The following KIF20B variants were observed in gnomAD, a reference collection of about 807,000 sequenced individuals.
KIF20B encodes the protein kinesin family member 20B.
A neutral mutation model predicts 232.5 loss-of-function variants in KIF20B; 188 were observed. The observed-to-expected ratio is 0.81, with a 90% CI of 0.72 to 0.91. KIF20B has a LOEUF of 0.91. KIF20B is among the 40% of genes least tolerant of loss of function. KIF20B has a pLI of 0.00. For missense variants in KIF20B, 2,154 were observed against 2,055.9 expected (o/e 1.05, Z -0.92); for synonymous variants, 712 against 683.0 (o/e 1.04, Z -0.66).
intron 29 of KIF20B, among the ~76,000 whole-genome samples, chr10:89,764,671 T>C (rs1371634443): frequency 6.6e-6 from 1 of 151,822 alleles, no homozygotes; most frequent in Admixed American, 6.6e-5. Context: ...TTTTCATGTG[T>C]TTTTTGGCTG....
chr10:89,715,171 C>G lies in KIF20B; in HGVS notation c.929C>G (p.Ser310Cys). 5 of 1,585,906 alleles carry G rather than the reference C, an allele frequency of 3.2e-6. No homozygotes were observed. The highest frequency in any genetic ancestry group is 4.3e-6 in the Non-Finnish European group (5 of 1,163,726). The change falls in exon 8 of 33, where the codon TCT (serine) becomes TGT (cysteine). Residue 310 changes from serine to cysteine, a missense_variant. Coordinates refer to ENST00000371728, the MANE Select transcript of KIF20B (RefSeq NM_001284259.2). ...CTTTCCCAAGACGTAAAGGGCTATT[C>G]TTTTATAAAAGGTATACTAATGAAT... ...LRLSQDVKGYSFIKDLQWIQV... is the reference protein window; with the variant it reads ...LRLSQDVKGYCFIKDLQWIQV...
chr10:89,766,877 A>G (rs1842372472), intron 29 of KIF20B, among the ~76,000 whole-genome samples: 1 of 151,978 alleles, frequency 6.6e-6, no homozygotes, highest in Admixed American at 6.6e-5. Context: ...TTAAAATAAC[A>G]TTAAAACACT....
chr10:89,730,807 G>A lies in KIF20B; in HGVS notation c.2391+1560G>A, dbSNP rs1564664491. On this transcript the variant is annotated intron_variant, in intron 18 of 32. Coordinates refer to ENST00000371728, the MANE Select transcript of KIF20B (RefSeq NM_001284259.2). ...TAAAGAGTTTGGGGAGTCAGTGGGG[G>A]AGTCATTTTCACCAGAGGAATAGCA... Among the ~76,000 whole-genome samples, 3 of 152,156 alleles carry A rather than the reference G, an allele frequency of 2.0e-5. No individual in the cohort carries two copies. The South Asian group carries it at 6.2e-4, about 32-fold the overall frequency.
chr10:89,768,391 GGT>G lies in KIF20B; in HGVS notation c.5091+5_5091+6del. Reference sequence around the variant, plus strand: ...ATTCTTCTGTCAAAAAGGAACAAAAGGTGTGTCTTTTAATTTGTCCAAAATTG... The same window carrying G: ...ATTCTTCTGTCAAAAAGGAACAAAAGGTGTCTTTTAATTTGTCCAAAATTG... On this transcript the variant is annotated splice_donor_variant, in intron 30 of 32. Transcript: ENST00000371728. LOFTEE classifies it high-confidence loss of function. 6.6e-7 allele frequency: 1 copy of G among 1,526,006 alleles called. No homozygotes were observed. Among genetic ancestry groups the G allele is most frequent in the African/African-American group, 1.4e-5 (1 of 71,194 alleles). 94.5% of individuals were successfully genotyped at this position (1,526,006 alleles called of 1,614,324 possible).
rs1408268035 is a variant in KIF20B, at chr10:89,733,074, A to C, written c.2545+18A>C. On this transcript the variant is annotated intron_variant, in intron 19 of 32. Coordinates refer to ENST00000371728, the MANE Select transcript of KIF20B (RefSeq NM_001284259.2). ...AAAGAAAGGTACTACTTCAGCTGCCAGCAGCAGGCGTTTAAGAAAGCTAAT... is the reference window on the plus strand; with the variant it reads ...AAAGAAAGGTACTACTTCAGCTGCCCGCAGCAGGCGTTTAAGAAAGCTAAT... 6.2e-7 allele frequency: 1 copy of C among 1,612,730 alleles called. No homozygotes were observed. Among genetic ancestry groups the C allele is most frequent in the Admixed American group, 1.7e-5 (1 of 59,984 alleles).
At position 89,737,817 on chromosome 10, in the gene KIF20B, A is replaced by G. The variant is rs1205999025; in HGVS notation, c.2976A>G (p.Leu992=). 5 of 1,613,346 alleles carry G rather than the reference A, an allele frequency of 3.1e-6. No homozygotes were observed. The highest frequency in any genetic ancestry group is 4.5e-5 in the East Asian group (2 of 44,814). Residue 992 remains leucine, a synonymous_variant, in exon 20 of 33, where the codon CTA becomes CTG. Coordinates refer to ENST00000371728, the MANE Select transcript of KIF20B (RefSeq NM_001284259.2). ...IKLMHTKIDE[L]RTLDSVSQIS... ...TAATGCACACGAAAATAGACGAACT[A>G]CGTACTCTTGATTCAGTTTCTCAGA...
chr10:89,742,663 C>G (rs1841825775), intron 21 of KIF20B, among the ~76,000 whole-genome samples: 1 of 150,962 alleles, frequency 6.6e-6, no homozygotes, highest in South Asian at 2.1e-4. Context: ...TGAAACCATA[C>G]CACTCTGAGC....
At chr10:89,721,826 A>G (rs1843064022) in intron 13 of KIF20B, among the ~76,000 whole-genome samples, 1 of 152,184 alleles carries the variant, frequency 6.6e-6, no homozygotes, top group Non-Finnish European at 1.5e-5. Flanking sequence ...TGCTTATCAT[A>G]TAAGATTGAC....
Position 89,714,986 on chromosome 10 carries a change from G to C in KIF20B, c.744G>C (p.Glu248Asp). 6.3e-7 allele frequency: 1 copy of C among 1,586,532 alleles called. No individual in the cohort carries two copies. Among genetic ancestry groups the C allele is most frequent in the African/African-American group, 1.4e-5 (1 of 73,448 alleles). The stretch of plus-strand genomic sequence containing the variant: ...TAACTAACTCTTTGAATATCTCAGA[G>C]TTTGAAGAATCCATAAAAGATTATG... ...GSLTNSLNISEFEESIKDYEQ... is the reference protein window; with the variant it reads ...GSLTNSLNISDFEESIKDYEQ... The change falls in exon 8 of 33, where the codon GAG (glutamate) becomes GAC (aspartate). Residue 248 changes from glutamate (E) to aspartate (D), a missense_variant. Physicochemically the swap from Glu to Asp is conservative, Grantham distance 45. Transcript: ENST00000371728.
Position 89,709,464 on chromosome 10 carries a change from A to G in KIF20B, c.351+3A>G. On this transcript the variant is annotated splice_donor_region_variant and intron_variant, in intron 4 of 32. Coordinates refer to ENST00000371728, the MANE Select transcript of KIF20B (RefSeq NM_001284259.2). Reference sequence around the variant, plus strand: ...CACAGAAATTCAGTTTTTCCAAGGTAAAACTGAAGTGTTTTTGTTTTTTGT... The same window carrying G: ...CACAGAAATTCAGTTTTTCCAAGGTGAAACTGAAGTGTTTTTGTTTTTTGT... 3 of 1,585,954 alleles carry G rather than the reference A, an allele frequency of 1.9e-6. No individual in the cohort carries two copies. The highest frequency in any genetic ancestry group is 1.1e-5 in the South Asian group (1 of 90,206).
chr10:89,737,949 T>C lies in KIF20B; in HGVS notation c.3108T>C (p.Ser1036=). The change falls in exon 20 of 33, where the codon AGT becomes AGC. Residue 1036 remains serine (S), a synonymous_variant. Transcript: ENST00000371728. ...LDLLGNDYLV[S]KQVKEYRIQE... is the part of the protein sequence containing the mutation. Reference sequence around the variant, plus strand: ...TTTTAGGTAATGATTATTTGGTAAGTAAGCAAGTTAAAGAATATCGAATTC... The same window carrying C: ...TTTTAGGTAATGATTATTTGGTAAGCAAGCAAGTTAAAGAATATCGAATTC... 6.2e-7 allele frequency: 1 copy of C among 1,613,254 alleles called. No individual in the cohort carries two copies.
intron 26 of KIF20B, 122 bp from the exon 27 acceptor site, chr10:89,758,579 CTACTT>C: frequency 1.9e-6 from 1 of 532,358 alleles, no homozygotes; most frequent in South Asian, 4.7e-5. Context: ...TTTATCTAGA[CTACTT>C]AATTTGTCTT....
rs755091040 is a variant in KIF20B at position 89,768,310 on chromosome 10, T to C, written c.5010T>C (p.Asn1670=). The change falls in exon 30 of 33, where the codon AAT becomes AAC. Residue 1670 remains asparagine, a synonymous_variant. Transcript: ENST00000371728. ...EMEEDLVKCE[N]KKNATPRTNL... Reference sequence around the variant, plus strand: ...TTTAGGACTTGGTGAAATGTGAAAATAAGAAGAATGCTACACCCAGAACTA... The same window carrying C: ...TTTAGGACTTGGTGAAATGTGAAAACAAGAAGAATGCTACACCCAGAACTA... The C allele has an allele frequency of 2.9e-5, 46 of 1,571,914 alleles. No homozygotes were observed. The South Asian group carries it at 4.8e-4, about 16-fold the overall frequency.
chr10:89,725,053 A>G lies in KIF20B; in HGVS notation c.1896A>G (p.Glu632=), dbSNP rs1425569932. The G allele has an allele frequency of 1.9e-6, 3 of 1,613,842 alleles. No individual in the cohort carries two copies. Among genetic ancestry groups the G allele is most frequent in the East Asian group, 2.2e-5 (1 of 44,862 alleles). Residue 632 remains glutamate (E), a synonymous_variant, in exon 15 of 33, where the codon GAA becomes GAG. Transcript: ENST00000371728. ...ETLLQEREIL[E]ENAERRLAIF... ...TGCTTCAAGAACGAGAGATATTAGAAGAAAATGCTGAACGTCGTTTGGCTA... is the reference window on the plus strand; with the variant it reads ...TGCTTCAAGAACGAGAGATATTAGAGGAAAATGCTGAACGTCGTTTGGCTA...
chr10:89,702,571 T>C (rs1181201895), intron 1 of KIF20B, among the ~76,000 whole-genome samples: 2 of 152,236 alleles, frequency 1.3e-5, no homozygotes, highest in East Asian at 3.8e-4. Context: ...CTTTGTGTTG[T>C]AGACCACATT....
intron 1 of KIF20B, among the ~76,000 whole-genome samples, chr10:89,703,442 G>C (rs1842653940): frequency 6.6e-6 from 1 of 152,160 alleles, no homozygotes; most frequent in Admixed American, 6.5e-5. Context: ...ACCAGGGTGA[G>C]GGGCCACCAT....
At position 89,705,299 on chromosome 10, in the gene KIF20B, A is replaced by T; in HGVS notation, c.5A>T (p.Glu2Val). 6.2e-7 allele frequency: 1 copy of T among 1,613,562 alleles called. No homozygotes were observed. Among genetic ancestry groups the T allele is most frequent in the Non-Finnish European group, 8.5e-7 (1 of 1,179,776 alleles). The change falls in exon 2 of 33, where the codon GAA (glutamate) becomes GTA (valine). Residue 2 changes from glutamate (E) to valine (V), a missense_variant. Transcript: ENST00000371728. ...AGTTGCTGTTATTCTTGCAGAATGG[A>T]ATCTAATTTTAATCAAGAGGGAGTA... M[E>V]SNFNQEGVPR...
chr10:89,717,907 T>C (rs1238523860), intron 11 of KIF20B, among the ~76,000 whole-genome samples, 185 bp downstream of exon 11: 1 of 152,228 alleles, frequency 6.6e-6, no homozygotes, highest in Non-Finnish European at 1.5e-5. Context: ...TGTCAGTTGA[T>C]GCCAGTAACT....
chr10:89,717,390 AATG>A (rs759618504), intron 9 of KIF20B, 31 bp from the exon 10 acceptor site: 4 of 1,339,448 alleles, frequency 3.0e-6, no homozygotes, highest in Admixed American at 1.9e-5. Flanking sequence ...AGAAATTAAA[AATG>A]ATAAGATAAC....
Sources: allele counts gnomAD v4.1 joint callset (sites outside exome capture counted in the v4.1 genomes callset), GRCh38; gene constraint gnomAD v4.1.1; transcripts MANE v1.5; gene names NCBI Gene and HGNC (gene_info 2026-07-23, HGNC 2026-07-21).